Variants in COL23A1 observed in about 807,000 individuals in gnomAD.
COL23A1 encodes collagen type XXIII alpha 1 chain, also known as collagen alpha-1(XXIII) chain.
A neutral mutation model predicts 99.3 loss-of-function variants in COL23A1; 97 were observed. The ratio of observed to expected loss-of-function variants is 0.98; its 90% CI spans 0.83 to 1.16. COL23A1 has a LOEUF of 1.16. Among genes scored for constraint, COL23A1 ranks in the 50% most tolerant of loss-of-function variants. The pLI, the probability that COL23A1 is intolerant of heterozygous loss-of-function variation, is 0.00. For synonymous variants in COL23A1, 320 were observed against 308.2 expected, an observed-to-expected ratio of 1.04 and a Z score of -0.40; for missense variants, 762 against 757.4, an observed-to-expected ratio of 1.01 and a Z score of -0.07.
intron 2 of COL23A1, among the ~76,000 whole-genome samples, chr5:178,536,988 C>T (rs1761000468): frequency 6.6e-6 from 1 of 152,240 alleles, no homozygotes; most frequent in East Asian, 1.9e-4. Flanking sequence ...CAGGCCCATC[C>T]TCACCGCCGA....
Position 178,270,325 on chromosome 5 carries a change from G to T in COL23A1, c.468+12C>A. On this transcript the variant is annotated intron_variant, in intron 6 of 28. Coordinates refer to ENST00000390654, the MANE Select transcript of COL23A1 (RefSeq NM_173465.4). ...GCCCAGGACCCCCTGGAATTGCCCT[G>T]TCATCACTTACGGGCTTGCCATCCA... The T allele has an allele frequency of 6.2e-7, 1 of 1,613,844 alleles. No homozygotes were observed. Among genetic ancestry groups the T allele is most frequent in the Non-Finnish European group, 8.5e-7 (1 of 1,179,974 alleles).
intron 2 of COL23A1, among the ~76,000 whole-genome samples, chr5:178,467,854 T>C (rs970424013): frequency 5.9e-5 from 9 of 152,352 alleles, no homozygotes; most frequent in Admixed American, 1.3e-4. Flanking sequence ...TATGAAATTA[T>C]AAGCGGATAC....
intron 2 of COL23A1, among the ~76,000 whole-genome samples, chr5:178,426,124 G>A (rs1425779442): frequency 6.6e-6 from 1 of 152,200 alleles, no homozygotes; most frequent in African/African-American, 2.4e-5. Context: ...CAGCAGAGAT[G>A]TTAGACATCA....
At chr5:178,267,278 C>T in intron 8 of COL23A1, 29 bp downstream of exon 8, 1 of 1,612,856 alleles carries the variant, frequency 6.2e-7, no homozygotes, top group Non-Finnish European at 8.5e-7. Context: ...ACCATGTGGG[C>T]AGTGAGGGAG....
chr5:178,239,126 T>G lies in COL23A1; in HGVS notation c.1620+15A>C. 1.2e-6 allele frequency: 2 copies of G among 1,609,808 alleles called. No homozygotes were observed. Among genetic ancestry groups the G allele is most frequent in the Non-Finnish European group, 8.5e-7 (1 of 1,177,038 alleles). ...CCTCTCCCAAGCCTGCCCTGGAGAC[T>G]TCCCTGCACGGTACCTTATGCCAGC... On this transcript the variant is annotated intron_variant, in intron 28 of 28. Coordinates refer to ENST00000390654, the MANE Select transcript of COL23A1 (RefSeq NM_173465.4).
At chr5:178,449,271 G>T (rs1767348558) in intron 2 of COL23A1, among the ~76,000 whole-genome samples, 1 of 152,200 alleles carries the variant, frequency 6.6e-6, no homozygotes, top group East Asian at 1.9e-4. Flanking sequence ...AACCCTGCCT[G>T]CCCTGTGTCT....
In COL23A1 at chr5:178,242,367, CTT is replaced by C; in HGVS notation, c.1466_1467del (p.Lys489ArgfsTer2). On this transcript the variant is annotated frameshift_variant, in exon 26 of 29. Coordinates refer to ENST00000390654, the MANE Select transcript of COL23A1 (RefSeq NM_173465.4). LOFTEE classifies it high-confidence loss of function. ...LDGFPGPRGE[K>X]GDRSERGEKG... is the part of the protein sequence containing the mutation. ...TTCTCTCCACGCTCGCTCCGATCAC[CTT>C]TCTCTCCTCGGGGTCCAGGGAAACC... The C allele has an allele frequency of 6.2e-7, 1 of 1,614,160 alleles. No individual in the cohort carries two copies. Among genetic ancestry groups the C allele is most frequent in the Non-Finnish European group, 8.5e-7 (1 of 1,180,024 alleles).
intron 2 of COL23A1, among the ~76,000 whole-genome samples, chr5:178,467,983 G>A (rs1195991330): frequency 1.3e-5 from 2 of 152,178 alleles, no homozygotes; most frequent in Non-Finnish European, 1.5e-5. Flanking sequence ...TGACACCACT[G>A]AGAAGGAACT....
At position 178,309,836 on chromosome 5, in the gene COL23A1, A is replaced by T. The variant is rs1321056803; in HGVS notation, c.362-2917T>A. Among the ~76,000 whole-genome samples the T allele has an allele frequency of 6.6e-6, 1 of 151,828 alleles. No individual in the cohort carries two copies. Among genetic ancestry groups the T allele is most frequent in the African/African-American group, 2.4e-5 (1 of 41,298 alleles). Reference sequence around the variant, plus strand: ...GCTGTGCTCGATTCTCCCTCCTGGCACAAAGGACCTCCTGCAGTATGTACT... The same window carrying T: ...GCTGTGCTCGATTCTCCCTCCTGGCTCAAAGGACCTCCTGCAGTATGTACT... On this transcript the variant is annotated intron_variant, in intron 2 of 28. Transcript: ENST00000390654. This position sits in a 1 kb window ranked among gnomAD's most constrained non-coding sequence, Gnocchi z 4.7.
rs145071160 is a variant in COL23A1 at position 178,368,836 on chromosome 5, C to T, written c.362-61917G>A. On this transcript the variant is annotated intron_variant, in intron 2 of 28. Transcript: ENST00000390654. ...TTATTGTTCCTGGGCTATAAGGTCA[C>T]GGACTTGCTTTCCCCCTCCTGACTG... is the stretch of plus-strand genomic sequence containing the variant. 7.9e-4 allele frequency among the ~76,000 whole-genome samples: 121 copies of T among 152,394 alleles called. No homozygotes were observed. In the East Asian group the frequency reaches 9.4e-3, roughly 12 times the overall value.
At chr5:178,572,456 A>G (rs1423326881) in intron 1 of COL23A1, among the ~76,000 whole-genome samples, 1 of 152,202 alleles carries the variant, frequency 6.6e-6, no homozygotes, top group Non-Finnish European at 1.5e-5. Context: ...AAAAAAAATC[A>G]AGAAAACGAC....
At chr5:178,575,308 G>A (rs1763292186) in intron 1 of COL23A1, among the ~76,000 whole-genome samples, 1 of 152,154 alleles carries the variant, frequency 6.6e-6, no homozygotes, top group African/African-American at 2.4e-5. Flanking sequence ...CCCTTCCTAA[G>A]GCTGTCTTTC....
chr5:178,481,689 T>G (rs73338678), intron 2 of COL23A1, among the ~76,000 whole-genome samples: 3 of 152,068 alleles, frequency 2.0e-5, no homozygotes, highest in African/African-American at 7.3e-5. Flanking sequence ...TCATACCCAT[T>G]AGTATAGCTA....
chr5:178,403,775 T>C (rs1453151383), intron 2 of COL23A1, among the ~76,000 whole-genome samples: 1 of 152,130 alleles, frequency 6.6e-6, no homozygotes, highest in African/African-American at 2.4e-5. Context: ...AGAAAGACAA[T>C]GTGAGGCCAA....
intron 2 of COL23A1, among the ~76,000 whole-genome samples, chr5:178,528,915 C>T (rs1158650411): frequency 1.3e-5 from 2 of 152,238 alleles, no homozygotes; most frequent in South Asian, 4.1e-4. Flanking sequence ...TTCTTGGCAG[C>T]TGTCTTGCCA....
chr5:178,538,923 G>C (rs1269480622), intron 2 of COL23A1, among the ~76,000 whole-genome samples: 1 of 152,210 alleles, frequency 6.6e-6, no homozygotes, highest in Non-Finnish European at 1.5e-5. Context: ...ATACATAGTA[G>C]AGCACGAATG....
rs145328007 is a variant in COL23A1 at position 178,263,495 on chromosome 5, G to A, written c.523-171C>T. ...TGCCACTTATTGGGAGCTGCATGAA[G>A]GAACAGGTCCCCATACCTTGGTGTA... On this transcript the variant is annotated intron_variant, in intron 8 of 28. Coordinates refer to ENST00000390654, the MANE Select transcript of COL23A1 (RefSeq NM_173465.4). 6.4e-3 allele frequency among the ~76,000 whole-genome samples: 971 copies of A among 152,324 alleles called. 8 individuals are homozygous for A. Among genetic ancestry groups the A allele is most frequent in the Non-Finnish European group, 0.011 (775 of 68,028 alleles).
intron 2 of COL23A1, among the ~76,000 whole-genome samples, chr5:178,393,558 C>T (rs1444022791): frequency 1.3e-5 from 2 of 152,224 alleles, no homozygotes; most frequent in East Asian, 1.9e-4. Flanking sequence ...AAAAAAATTT[C>T]CCTGGCACCA....
intron 2 of COL23A1, among the ~76,000 whole-genome samples, chr5:178,312,923 CAGCCAAA>C (rs1353690328): frequency 6.6e-6 from 1 of 152,230 alleles, no homozygotes; most frequent in African/African-American, 2.4e-5. Context: ...CCAGGCGCAA[CAGCCAAA>C]AGGTGGAAGC....
Sources: allele counts gnomAD v4.1 joint callset (sites outside exome capture counted in the v4.1 genomes callset), GRCh38; gene constraint gnomAD v4.1.1; non-coding constraint Gnocchi (gnomAD v3.1); transcripts MANE v1.5; gene names NCBI Gene and HGNC (gene_info 2026-07-23, HGNC 2026-07-21).